The following POLA2 variants were observed in gnomAD, a reference collection of about 807,000 sequenced individuals.
POLA2 encodes the protein DNA polymerase alpha 2, accessory subunit.
A neutral mutation model predicts 82.8 loss-of-function variants in POLA2; 47 were observed. That is an observed-to-expected ratio of 0.57 (90% CI 0.45 to 0.72). The LOEUF (loss-of-function observed/expected upper bound fraction) is 0.72. Ranked by LOEUF, POLA2 falls within the 30% of genes least tolerant of loss-of-function variation. POLA2 has a pLI of 0.00. For synonymous variants in POLA2, 287 were observed against 286.8 expected, an observed-to-expected ratio of 1.00 and a Z score of -0.01; for missense variants, 634 against 728.1, an observed-to-expected ratio of 0.87 and a Z score of 1.49.
At chr11:65,281,225 G>A in intron 8 of POLA2, 78 bp downstream of exon 8, 1 of 1,426,642 alleles carries the variant, frequency 7.0e-7, no homozygotes, top group Non-Finnish European at 9.7e-7. Flanking sequence ...ATGCGCAGCT[G>A]CTCCTCAGTT....
intron 1 of POLA2, among the ~76,000 whole-genome samples, chr11:65,264,190 C>G (rs1165882437): frequency 6.6e-6 from 1 of 152,148 alleles, no homozygotes; most frequent in African/African-American, 2.4e-5. Context: ...GCCTCAGCCT[C>G]CCGAGTAGCT....
Position 65,262,381 on chromosome 11 carries a change from G to T in POLA2, c.79+10G>T. On this transcript the variant is annotated intron_variant, in intron 1 of 17. Coordinates refer to ENST00000265465, the MANE Select transcript of POLA2 (RefSeq NM_002689.4). ...GCTCTAATTGAGAAATGTGAGTCCC[G>T]CACCCCTCCCGCCCTGCAGCCGTGC... is the stretch of plus-strand genomic sequence containing the variant. 1.2e-6 allele frequency: 2 copies of T among 1,606,782 alleles called. No homozygotes were observed. The highest frequency in any genetic ancestry group is 3.4e-5 in the Admixed American group (2 of 59,488).
At chr11:65,304,428 C>CA (rs1949875746) in intron 8 of POLA2, among the ~76,000 whole-genome samples, 1 of 143,012 alleles carries the variant, frequency 7.0e-6, no homozygotes, top group Non-Finnish European at 1.5e-5. Context: ...CCCACCCATC[C>CA]ACCCAACCAT....
intron 10 of POLA2, among the ~76,000 whole-genome samples, chr11:65,285,052 T>C (rs1565483874): frequency 6.6e-6 from 1 of 152,100 alleles, no homozygotes; most frequent in Non-Finnish European, 1.5e-5. Flanking sequence ...GGAGGATTGC[T>C]TGACCACAGG....
rs1309646157 is a variant in POLA2, at chr11:65,297,284, G to C, written c.*15G>C. On this transcript the variant is annotated 3_prime_UTR_variant, in exon 18 of 18. Coordinates refer to ENST00000265465, the MANE Select transcript of POLA2 (RefSeq NM_002689.4). ...TCAGGATCTGAGGCTTCTGTCCTCT[G>C]CTGTTCTCTGCTGTGTGGGCCCTTA... The C allele has an allele frequency of 3.2e-6, 5 of 1,578,884 alleles. No homozygotes were observed. Among genetic ancestry groups the C allele is most frequent in the Non-Finnish European group, 4.3e-6 (5 of 1,163,096 alleles).
At chr11:65,305,147 T>C (rs1949880268) in intron 8 of POLA2, among the ~76,000 whole-genome samples, 2 of 151,992 alleles carry the variant, frequency 1.3e-5, no homozygotes, top group South Asian at 2.1e-4. Context: ...AAATTTTCTC[T>C]CCCTTCTACG....
Position 65,288,512 on chromosome 11 carries a change from G to T in POLA2, c.1132-538G>T, listed in dbSNP as rs112020935. On this transcript the variant is annotated intron_variant, in intron 11 of 17. Transcript: ENST00000265465. ...CATTTTTATTGTTCGTTTGTTTTTT[G>T]TTTTTTTTTTTTTTTTTGGGACAGA... 5.7e-3 allele frequency among the ~76,000 whole-genome samples: 678 copies of T among 119,818 alleles called. 2 individuals are homozygous for T. The highest frequency in any genetic ancestry group is 0.019 in the Middle Eastern group (4 of 212). The allele number at this position is 119,818 out of a possible 152,430, so 78.6% of individuals were successfully genotyped here. A position where few individuals can be genotyped will look rare whatever the true frequency, so the allele number is the denominator to read the frequency against.
downstream of POLA2, among the ~76,000 whole-genome samples, chr11:65,300,511 CAA>C (rs1949854009): frequency 6.6e-6 from 1 of 152,212 alleles, no homozygotes; most frequent in South Asian, 2.1e-4. Flanking sequence ...CTCGGCCTCC[CAA>C]AGTGTTGGGA....
chr11:65,265,723 C>T (rs1949452797), intron 1 of POLA2, among the ~76,000 whole-genome samples: 1 of 152,200 alleles, frequency 6.6e-6, no homozygotes, highest in Non-Finnish European at 1.5e-5. Context: ...AACAGTCTGC[C>T]CACCTCAACC....
rs1949835280 is a variant in POLA2 at position 65,298,268 on chromosome 11, T to G, written c.*999T>G. 1 of 152,446 alleles carries G rather than the reference T, an allele frequency of 6.6e-6. No individual in the cohort carries two copies. Among genetic ancestry groups the G allele is most frequent in the South Asian group, 2.1e-4 (1 of 4,840 alleles). The allele number at this position is 152,446 out of a possible 1,614,324, so 9.4% of individuals were successfully genotyped here. A position where few individuals can be genotyped will look rare whatever the true frequency, so the allele number is the denominator to read the frequency against. Reference sequence around the variant, plus strand: ...TCTGGAGGGGGCCGCCTCGCTGGGCTGTTCCAAAGCTGGAGTCCTGGTGGC... The same window carrying G: ...TCTGGAGGGGGCCGCCTCGCTGGGCGGTTCCAAAGCTGGAGTCCTGGTGGC... On this transcript the variant is annotated 3_prime_UTR_variant, in exon 18 of 18. Coordinates refer to ENST00000265465, the MANE Select transcript of POLA2 (RefSeq NM_002689.4).
At chr11:65,276,564 G>A (rs1451881003) in intron 5 of POLA2, among the ~76,000 whole-genome samples, 2 of 152,086 alleles carry the variant, frequency 1.3e-5, no homozygotes, top group African/African-American at 4.8e-5. Flanking sequence ...AATCCACAAA[G>A]ATCATATGTA....
At chr11:65,288,500 C>T (rs947013039) in intron 11 of POLA2, among the ~76,000 whole-genome samples, 3 of 139,714 alleles carry the variant, frequency 2.1e-5, no homozygotes, top group Admixed American at 1.5e-4. Flanking sequence ...TTTTATTGTT[C>T]GTTTGTTTTT....
chr11:65,266,449 G>A, intron 1 of POLA2, 133 bp from the exon 2 acceptor site: 1 of 870,774 alleles, frequency 1.1e-6, no homozygotes, highest in Non-Finnish European at 1.8e-6. Context: ...TTTTCTCATT[G>A]CCCAAAACAG....
At chr11:65,270,501 A>C (rs1471399460) in intron 4 of POLA2, among the ~76,000 whole-genome samples, 2 of 152,218 alleles carry the variant, frequency 1.3e-5, no homozygotes, top group Non-Finnish European at 2.9e-5. Context: ...TTAAAATTGG[A>C]GAGACTATAA....
chr11:65,305,092 A>T (rs1949880030), intron 8 of POLA2, among the ~76,000 whole-genome samples: 1 of 150,390 alleles, frequency 6.6e-6, no homozygotes, highest in Non-Finnish European at 1.5e-5. Context: ...CAGCCTTTCA[A>T]CTTCATCATC....
rs532056335 is a variant in POLA2, at chr11:65,269,374, C to T, written c.354+645C>T. Among the ~76,000 whole-genome samples, 10 of 151,894 alleles carry T rather than the reference C, an allele frequency of 6.6e-5. No homozygotes were observed. In the East Asian group the frequency reaches 1.9e-3, roughly 29 times the overall value. ...TGGTGGTGGGCGCCTGTAGTCCCAG[C>T]TACTTGGGAGGCTGAGGCAGGAGAA... On this transcript the variant is annotated intron_variant, in intron 4 of 17. Transcript: ENST00000265465.
At chr11:65,272,125 C>G (rs1949528024) in intron 4 of POLA2, among the ~76,000 whole-genome samples, 1 of 151,970 alleles carries the variant, frequency 6.6e-6, no homozygotes, top group African/African-American at 2.4e-5. Flanking sequence ...GTCTGGCCAC[C>G]ATGGTGAAAC....
chr11:65,269,465 C>T (rs1166776046), intron 4 of POLA2, among the ~76,000 whole-genome samples: 14 of 147,758 alleles, frequency 9.5e-5, no homozygotes, highest in Non-Finnish European at 1.3e-4. Context: ...CCAGCCTGGG[C>T]GACAGAGCGA....
rs41549112 is a variant in POLA2, at chr11:65,294,540, T to C, written c.1354-6T>C. 108 of 1,603,690 alleles carry C rather than the reference T, an allele frequency of 6.7e-5. No homozygotes were observed. In the African/African-American group the frequency reaches 1.1e-3, roughly 16 times the overall value. On this transcript the variant is annotated splice_polypyrimidine_tract_variant and splice_region_variant and intron_variant, in intron 14 of 17. Coordinates refer to ENST00000265465, the MANE Select transcript of POLA2 (RefSeq NM_002689.4). Reference sequence around the variant, plus strand: ...AAATGTTTGTTTCAATCCGTTCTCATTTTAGCAAGTACAGTTTGTGTCCGA... The same window carrying C: ...AAATGTTTGTTTCAATCCGTTCTCACTTTAGCAAGTACAGTTTGTGTCCGA...
Sources: allele counts gnomAD v4.1 joint callset (sites outside exome capture counted in the v4.1 genomes callset), GRCh38; gene constraint gnomAD v4.1.1; transcripts MANE v1.5; gene names NCBI Gene and HGNC (gene_info 2026-07-23, HGNC 2026-07-21).